LUZP1: variants seen among roughly 807,000 people sequenced by gnomAD.
LUZP1 encodes the protein filamin mechanobinding actin cross-linking protein.
In LUZP1, 25 loss-of-function variants were observed where a neutral mutation model predicts 71.3. The observed-to-expected ratio is 0.35, with a 90% CI of 0.26 to 0.49. The LOEUF is 0.49. Among genes scored for constraint, LUZP1 ranks in the 20% least tolerant of loss-of-function variants. The probability of loss-of-function intolerance (pLI) is 0.99; values close to 1 mark genes in which losing one functional copy is unlikely to be tolerated. For missense variants in LUZP1, 1,142 were observed against 1,300.8 expected, an observed-to-expected ratio of 0.88 and a Z score of 1.88; for synonymous variants, 481 against 506.4, an observed-to-expected ratio of 0.95 and a Z score of 0.67.
intron 2 of LUZP1, among the ~76,000 whole-genome samples, chr1:23,111,377 G>A (rs947931661): frequency 6.7e-6 from 1 of 149,844 alleles, no homozygotes; most frequent in Non-Finnish European, 1.5e-5. Flanking sequence ...AACAAAGCAA[G>A]GCCCCCATCT....
intron 2 of LUZP1, among the ~76,000 whole-genome samples, chr1:23,111,926 C>T (rs1644037819): frequency 6.6e-6 from 1 of 152,118 alleles, no homozygotes; most frequent in African/African-American, 2.4e-5. Context: ...GTCTCTGCAG[C>T]CCTAACAGTG....
intron 2 of LUZP1, among the ~76,000 whole-genome samples, chr1:23,159,760 G>A (rs1194178787): frequency 3.9e-5 from 6 of 152,176 alleles, no homozygotes; most frequent in South Asian, 2.1e-4. Flanking sequence ...CAAGGCAGGC[G>A]GATTACTTGA....
chr1:23,124,340 G>A (rs1040000335), intron 2 of LUZP1, among the ~76,000 whole-genome samples: 1 of 152,136 alleles, frequency 6.6e-6, no homozygotes, highest in Admixed American at 6.5e-5. Context: ...GACCTAAGTG[G>A]CCAGACTCCC....
intron 2 of LUZP1, among the ~76,000 whole-genome samples, chr1:23,162,130 C>T (rs1644472033): frequency 1.3e-5 from 2 of 150,464 alleles, no homozygotes; most frequent in Admixed American, 1.3e-4. Context: ...TAAAAGGAGC[C>T]AGACCACAAA....
intron 3 of LUZP1, among the ~76,000 whole-genome samples, chr1:23,107,859 C>G (rs1169187952): frequency 2.0e-5 from 3 of 152,196 alleles, no homozygotes; most frequent in Admixed American, 6.5e-5. Context: ...TTTTTCCACT[C>G]CTTCGAGAAG....
chr1:23,105,767 A>G (rs375086160), intron 3 of LUZP1, among the ~76,000 whole-genome samples: 4 of 152,348 alleles, frequency 2.6e-5, no homozygotes, highest in East Asian at 1.9e-4. Context: ...AAAACAAAAT[A>G]TAACCAAAAT....
chr1:23,126,041 G>C (rs1414190120), intron 2 of LUZP1, among the ~76,000 whole-genome samples: 1 of 152,202 alleles, frequency 6.6e-6, no homozygotes, highest in Non-Finnish European at 1.5e-5. Flanking sequence ...GATACAGATA[G>C]TCCACAGACT....
At chr1:23,109,968 C>T (rs898212488) in intron 2 of LUZP1, among the ~76,000 whole-genome samples, 4 of 152,060 alleles carry the variant, frequency 2.6e-5, no homozygotes, top group Non-Finnish European at 5.9e-5. Context: ...AAAACATCTG[C>T]GGAGTATTTA....
chr1:23,159,069 G>T (rs1644444261), intron 2 of LUZP1, among the ~76,000 whole-genome samples: 1 of 151,936 alleles, frequency 6.6e-6, no homozygotes, highest in Admixed American at 6.6e-5. Context: ...GGCCAGGCAC[G>T]GTGGCTCAGG....
chr1:23,105,092 G>A (rs1384019401), intron 3 of LUZP1, among the ~76,000 whole-genome samples: 2 of 152,214 alleles, frequency 1.3e-5, no homozygotes, highest in Non-Finnish European at 2.9e-5. Flanking sequence ...AAGTAAGAGA[G>A]TAACACAATC....
At chr1:23,147,168 C>T (rs1187158773) in intron 2 of LUZP1, among the ~76,000 whole-genome samples, 7 of 150,544 alleles carry the variant, frequency 4.6e-5, no homozygotes, top group South Asian at 2.1e-4. Context: ...TGGCCTGGCA[C>T]GGTGGCTCAT....
chr1:23,117,394 A>G (rs1489927363), intron 2 of LUZP1, among the ~76,000 whole-genome samples: 2 of 147,230 alleles, frequency 1.4e-5, no homozygotes, highest in African/African-American at 5.1e-5. Context: ...GAACGAAAAT[A>G]TACCCTACAC....
At chr1:23,169,971 TACACAC>T (rs35087847) in intron 1 of LUZP1, among the ~76,000 whole-genome samples, 25 of 149,318 alleles carry the variant, frequency 1.7e-4, no homozygotes, top group South Asian at 6.4e-4. Context: ...TTCCTACCTT[TACACAC>T]ACACACACAC....
At chr1:23,171,602 T>A (rs1644553473) in intron 1 of LUZP1, among the ~76,000 whole-genome samples, 2 of 152,218 alleles carry the variant, frequency 1.3e-5, no homozygotes, top group South Asian at 4.1e-4. Context: ...GGGGAGGAAC[T>A]TTGGGGTTCT....
intron 2 of LUZP1, among the ~76,000 whole-genome samples, chr1:23,117,488 CCCCA>C (rs1190641999): frequency 1.9e-4 from 10 of 52,928 alleles, no homozygotes; most frequent in East Asian, 4.9e-4. Flanking sequence ...CCCCCCCCCC[CCCCA>C]CAATCAGGAA....
At position 23,088,969 on chromosome 1, in the gene LUZP1, CCT is replaced by C. The variant is rs1460376637; in HGVS notation, c.3155_3156del (p.Gln1052ArgfsTer22). The C allele has an allele frequency of 6.8e-6, 11 of 1,614,142 alleles. No individual in the cohort carries two copies. The highest frequency in any genetic ancestry group is 9.3e-6 in the Non-Finnish European group (11 of 1,180,008). On this transcript the variant is annotated frameshift_variant, in exon 5 of 5. Transcript: ENST00000302291. LOFTEE classifies it high-confidence loss of function. ...CGTACTCGCCCAGACTCTGGCAGCC[CCT>C]GCTTCCCAGGCAGTTCAGACGGATC...
chr1:23,168,526 C>A (rs1644529253), intron 2 of LUZP1, among the ~76,000 whole-genome samples: 1 of 151,300 alleles, frequency 6.6e-6, no homozygotes, highest in African/African-American at 2.4e-5. Flanking sequence ...AGAGTCTCTT[C>A]CTCCAACTCC....
intron 2 of LUZP1, among the ~76,000 whole-genome samples, chr1:23,111,014 A>G (rs977989877): frequency 6.6e-6 from 1 of 151,822 alleles, no homozygotes; most frequent in African/African-American, 2.4e-5. Flanking sequence ...ACCCTGGCCA[A>G]TATGGTGAAA....
At chr1:23,090,818 C>T in intron 4 of LUZP1, 1 of 714,500 alleles carries the variant, frequency 1.4e-6, no homozygotes. Flanking sequence ...CTCCTGTTGC[C>T]CAGAGCTCCC....
Sources: allele counts gnomAD v4.1 joint callset (sites outside exome capture counted in the v4.1 genomes callset), GRCh38; gene constraint gnomAD v4.1.1; transcripts MANE v1.5; gene names NCBI Gene and HGNC (gene_info 2026-07-23, HGNC 2026-07-21).